ADAT2: variants seen among roughly 807,000 people sequenced by gnomAD.
The protein encoded by ADAT2 is adenosine deaminase tRNA specific 2.
A neutral mutation model predicts 25.9 loss-of-function variants in ADAT2; 26 were observed. The observed-to-expected ratio is 1.00, with a 90% CI of 0.74 to 1.39. The LOEUF (loss-of-function observed/expected upper bound fraction) is 1.39. Among genes scored for constraint, ADAT2 ranks in the 40% most tolerant of loss-of-function variants. The probability of loss-of-function intolerance (pLI) is 0.00; values close to 1 mark genes in which losing one functional copy is unlikely to be tolerated. For synonymous variants in ADAT2, 76 were observed against 86.8 expected (o/e 0.88, Z 0.69); for missense variants, 220 against 244.8 (o/e 0.90, Z 0.68).
rs757474755 is a variant in ADAT2 at position 143,450,527 on chromosome 6, T to C, written c.96+36A>G. ...GGTCGGGTTGAGGGCTGGAGAAAGGTCCCACCCCGCAGCATCTACCTCCCG... is the reference window on the plus strand; with the variant it reads ...GGTCGGGTTGAGGGCTGGAGAAAGGCCCCACCCCGCAGCATCTACCTCCCG... On this transcript the variant is annotated intron_variant, in intron 1 of 5. Transcript: ENST00000237283. 1.9e-6 allele frequency: 3 copies of C among 1,604,972 alleles called. No individual in the cohort carries two copies. In the South Asian group the frequency reaches 3.3e-5, roughly 18 times the overall value.
intron 1 of ADAT2, among the ~76,000 whole-genome samples, chr6:143,449,474 A>G (rs774128770): frequency 2.6e-5 from 4 of 152,178 alleles, no homozygotes; most frequent in Non-Finnish European, 5.9e-5. Flanking sequence ...TCCATAGTTT[A>G]CGTCCTCCTA....
In ADAT2 at chr6:143,444,304, C is replaced by T. The variant is rs1190911186; in HGVS notation, c.97-5610G>A. ...CATTGTTGAGGAATGGCCGAGCCTG[C>T]CATGCTGAGGATGAGTGGGTAAGCA... On this transcript the variant is annotated intron_variant, in intron 1 of 5. Coordinates refer to ENST00000237283, the MANE Select transcript of ADAT2 (RefSeq NM_182503.3). The surrounding 1 kb of genome is among the most constrained non-coding windows in gnomAD (Gnocchi z 4.3). 6.6e-6 allele frequency among the ~76,000 whole-genome samples: 1 copy of T among 152,066 alleles called. No homozygotes were observed. The highest frequency in any genetic ancestry group is 1.5e-5 in the Non-Finnish European group (1 of 68,032).
chr6:143,450,246 T>C (rs1779724080), intron 1 of ADAT2, among the ~76,000 whole-genome samples: 1 of 152,078 alleles, frequency 6.6e-6, no homozygotes, highest in Non-Finnish European at 1.5e-5. Context: ...AATGTGACTT[T>C]GTAGATTGGA....
rs1583960676 is a variant in ADAT2 at position 143,422,914 on chromosome 6, G to A, written c.*5549C>T. The A allele has an allele frequency of 1.3e-5, 2 of 152,268 alleles. No homozygotes were observed. The highest frequency in any genetic ancestry group is 2.1e-4 in the South Asian group (1 of 4,828). The allele number at this position is 152,268 out of a possible 1,614,324, so 9.4% of individuals were successfully genotyped here. A position where few individuals can be genotyped will look rare whatever the true frequency, so the allele number is the denominator to read the frequency against. The stretch of plus-strand genomic sequence containing the variant: ...TTTCTCCTTGCCACTCTCTTAAAAT[G>A]TATACAAGGAAATAAAACATTCTAA... On this transcript the variant is annotated 3_prime_UTR_variant, in exon 6 of 6. Transcript: ENST00000237283. This position sits in a 1 kb window ranked among gnomAD's most constrained non-coding sequence, Gnocchi z 4.3.
Position 143,434,035 on chromosome 6 carries a change from T to C in ADAT2, c.202-54A>G. 1.3e-6 allele frequency: 2 copies of C among 1,596,488 alleles called. No homozygotes were observed. The highest frequency in any genetic ancestry group is 1.7e-6 in the Non-Finnish European group (2 of 1,172,824). ...GCTGTTTGCTTCATGTGACTACTAT[T>C]TTACAAATATACAAAAACTAAGTAC... On this transcript the variant is annotated intron_variant, in intron 2 of 5. Coordinates refer to ENST00000237283, the MANE Select transcript of ADAT2 (RefSeq NM_182503.3). This position sits in a 1 kb window ranked among gnomAD's most constrained non-coding sequence, Gnocchi z 4.5.
At position 143,425,649 on chromosome 6, in the gene ADAT2, G is replaced by C. The variant is rs1778908820; in HGVS notation, c.*2814C>G. ...TGACAAAACTGTAATACAAATGATA[G>C]ATTCAAGTATATCAATGTTAAATTT... On this transcript the variant is annotated 3_prime_UTR_variant, in exon 6 of 6. Transcript: ENST00000237283. The C allele has an allele frequency of 6.6e-6, 1 of 151,480 alleles. No individual in the cohort carries two copies. The highest frequency in any genetic ancestry group is 1.5e-5 in the Non-Finnish European group (1 of 67,988). 9.4% of individuals were successfully genotyped at this position (151,480 alleles called of 1,614,324 possible). A position where few individuals can be genotyped will look rare whatever the true frequency, so the allele number is the denominator to read the frequency against.
rs985174912 is a variant in ADAT2 at position 143,444,153 on chromosome 6, C to G, written c.97-5459G>C. 1.3e-5 allele frequency among the ~76,000 whole-genome samples: 2 copies of G among 152,186 alleles called. No homozygotes were observed. Among genetic ancestry groups the G allele is most frequent in the Admixed American group, 1.3e-4 (2 of 15,270 alleles). On this transcript the variant is annotated intron_variant, in intron 1 of 5. Transcript: ENST00000237283. This position sits in a 1 kb window ranked among gnomAD's most constrained non-coding sequence, Gnocchi z 4.3. ...TCTAGCAAATTTATTTCATTTCACTCCTCTCAATATTATCTTCATGTTTAT... is the reference window on the plus strand; with the variant it reads ...TCTAGCAAATTTATTTCATTTCACTGCTCTCAATATTATCTTCATGTTTAT...
intron 1 of ADAT2, among the ~76,000 whole-genome samples, chr6:143,447,266 A>G (rs1779625819): frequency 6.6e-6 from 1 of 152,182 alleles, no homozygotes; most frequent in Non-Finnish European, 1.5e-5. Flanking sequence ...AAATAGACAC[A>G]TGTGGTTAGT....
Position 143,436,271 on chromosome 6 carries a change from T to C in ADAT2, c.202-2290A>G, listed in dbSNP as rs1779276601. On this transcript the variant is annotated intron_variant, in intron 2 of 5. Coordinates refer to ENST00000237283, the MANE Select transcript of ADAT2 (RefSeq NM_182503.3). This position sits in a 1 kb window ranked among gnomAD's most constrained non-coding sequence, Gnocchi z 4.1. ...CAGATGTCTGATGCTAAGAACATGA[T>C]GGCTGCCTATGACCCCCAGTATGGC... 1.8e-5 allele frequency: 4 copies of C among 221,808 alleles called. No homozygotes were observed. The South Asian group carries it at 2.3e-4, about 13-fold the overall frequency. The allele number at this position is 221,808 out of a possible 1,614,324, so 13.7% of individuals were successfully genotyped here.
rs922881007 is a variant in ADAT2 at position 143,446,688 on chromosome 6, G to A, written c.96+3875C>T. On this transcript the variant is annotated intron_variant, in intron 1 of 5. Coordinates refer to ENST00000237283, the MANE Select transcript of ADAT2 (RefSeq NM_182503.3). The surrounding 1 kb of genome is among the most constrained non-coding windows in gnomAD (Gnocchi z 5.0). The stretch of plus-strand genomic sequence containing the variant: ...GGCAAGCAGTGAGCTACCTAACACC[G>A]AGAGGCAGGCCAGGCCAGTATTTAA... 4.6e-5 allele frequency among the ~76,000 whole-genome samples: 7 copies of A among 152,010 alleles called. No individual in the cohort carries two copies. The highest frequency in any genetic ancestry group is 1.9e-4 in the East Asian group (1 of 5,194).
In ADAT2 at chr6:143,436,504, C is replaced by T. The variant is rs1344084967; in HGVS notation, c.201+2086G>A. On this transcript the variant is annotated intron_variant, in intron 2 of 5. Coordinates refer to ENST00000237283, the MANE Select transcript of ADAT2 (RefSeq NM_182503.3). The surrounding 1 kb of genome is among the most constrained non-coding windows in gnomAD (Gnocchi z 4.1). ...TAACAACACGGCCATCCAGGAGCTG[C>T]TCAGAGACGTCTCAGAGCAGTTCAC... The T allele has an allele frequency of 9.0e-6, 3 of 332,602 alleles. No individual in the cohort carries two copies. The highest frequency in any genetic ancestry group is 1.8e-5 in the Non-Finnish European group (3 of 163,844). 20.6% of individuals were successfully genotyped at this position (332,602 alleles called of 1,614,324 possible). A position where few individuals can be genotyped will look rare whatever the true frequency, so the allele number is the denominator to read the frequency against.
In ADAT2 at chr6:143,434,482, A is replaced by G. The variant is rs1779208910; in HGVS notation, c.202-501T>C. ...TTTTATATACTGGAAGACTCTAGAGAAGTAGAGATTTGGTATTGGTTTCAG... is the reference window on the plus strand; with the variant it reads ...TTTTATATACTGGAAGACTCTAGAGGAGTAGAGATTTGGTATTGGTTTCAG... On this transcript the variant is annotated intron_variant, in intron 2 of 5. Transcript: ENST00000237283. The surrounding 1 kb of genome is among the most constrained non-coding windows in gnomAD (Gnocchi z 4.5). Among the ~76,000 whole-genome samples the G allele has an allele frequency of 6.6e-6, 1 of 152,148 alleles. No homozygotes were observed. The highest frequency in any genetic ancestry group is 2.1e-4 in the South Asian group (1 of 4,820).
At chr6:143,431,909 A>G (rs1262054199) in intron 4 of ADAT2, among the ~76,000 whole-genome samples, 1 of 152,216 alleles carries the variant, frequency 6.6e-6, no homozygotes. Flanking sequence ...GACCCATAAA[A>G]ACTTTGGGAG....
chr6:143,438,198 C>T (rs949085984), intron 2 of ADAT2, among the ~76,000 whole-genome samples: 3 of 152,058 alleles, frequency 2.0e-5, no homozygotes, highest in African/African-American at 7.2e-5. Flanking sequence ...GTTAAATTGA[C>T]CTATTTTATA....
chr6:143,433,185 T>C (rs1779167952), intron 3 of ADAT2, among the ~76,000 whole-genome samples: 1 of 152,126 alleles, frequency 6.6e-6, no homozygotes. Context: ...CATAGTAAAA[T>C]AAGTACATAA....
rs944237039 is a variant in ADAT2 at position 143,440,845 on chromosome 6, C to T, written c.97-2151G>A. Among the ~76,000 whole-genome samples the T allele has an allele frequency of 6.6e-6, 1 of 152,114 alleles. No individual in the cohort carries two copies. Among genetic ancestry groups the T allele is most frequent in the African/African-American group, 2.4e-5 (1 of 41,434 alleles). The stretch of plus-strand genomic sequence containing the variant: ...GTAGAATTACACAGAGATCAAGGTA[C>T]ACAGAAGAGACAAATCATTTATTCA... On this transcript the variant is annotated intron_variant, in intron 1 of 5. Coordinates refer to ENST00000237283, the MANE Select transcript of ADAT2 (RefSeq NM_182503.3). The surrounding 1 kb of genome is among the most constrained non-coding windows in gnomAD (Gnocchi z 4.5).
In ADAT2 at chr6:143,436,416, T is replaced by C. The variant is rs547633069; in HGVS notation, c.201+2174A>G. ...ACTTTGCTGACTGGATCCCCTACAA[T>C]GGGAAAACAGCTTTCTGGGACATCC... is the stretch of plus-strand genomic sequence containing the variant. On this transcript the variant is annotated intron_variant, in intron 2 of 5. Transcript: ENST00000237283. The surrounding 1 kb of genome is among the most constrained non-coding windows in gnomAD (Gnocchi z 4.1). 2.6e-3 allele frequency: 724 copies of C among 273,654 alleles called. 12 individuals are homozygous for C. The highest frequency in any genetic ancestry group is 0.021 in the South Asian group (481 of 23,116). The allele number at this position is 273,654 out of a possible 1,614,324, so 17.0% of individuals were successfully genotyped here. A position where few individuals can be genotyped will look rare whatever the true frequency, so the allele number is the denominator to read the frequency against.
In ADAT2 at chr6:143,434,009, T is replaced by C; in HGVS notation, c.202-28A>G. Reference sequence around the variant, plus strand: ...GAAAAGAGAAAGGGGCTTGCACTGATGCTGTTTGCTTCATGTGACTACTAT... The same window carrying C: ...GAAAAGAGAAAGGGGCTTGCACTGACGCTGTTTGCTTCATGTGACTACTAT... On this transcript the variant is annotated intron_variant, in intron 2 of 5. Transcript: ENST00000237283. This position sits in a 1 kb window ranked among gnomAD's most constrained non-coding sequence, Gnocchi z 4.5. 1 of 1,611,622 alleles carries C rather than the reference T, an allele frequency of 6.2e-7. No individual in the cohort carries two copies. Among genetic ancestry groups the C allele is most frequent in the Non-Finnish European group, 8.5e-7 (1 of 1,179,308 alleles).
At position 143,428,594 on chromosome 6, in the gene ADAT2, C is replaced by T; in HGVS notation, c.532+18G>A. 6.2e-7 allele frequency: 1 copy of T among 1,613,658 alleles called. No individual in the cohort carries two copies. The highest frequency in any genetic ancestry group is 8.5e-7 in the Non-Finnish European group (1 of 1,179,698). On this transcript the variant is annotated intron_variant, in intron 5 of 5. Transcript: ENST00000237283. This position sits in a 1 kb window ranked among gnomAD's most constrained non-coding sequence, Gnocchi z 5.0. The stretch of plus-strand genomic sequence containing the variant: ...TATGGATTTAAGGGAAGGACATTAT[C>T]CACAACAGAAAACTGACCATTTGGA...
Sources: gnomAD v4.1 joint callset for allele counts (sites outside exome capture counted in the v4.1 genomes callset) on GRCh38, gnomAD v4.1.1 for gene constraint, Gnocchi (gnomAD v3.1) non-coding constraint, MANE v1.5 for transcripts, NCBI Gene and HGNC (gene_info 2026-07-23, HGNC 2026-07-21) for gene names.